The following SLC6A18 variants were observed in gnomAD, a reference collection of about 807,000 sequenced individuals.
The protein encoded by SLC6A18 is solute carrier family 6 member 18.
Under a neutral mutation model 62.9 loss-of-function variants are expected in SLC6A18, and 58 were observed. That is an observed-to-expected ratio of 0.92 (90% CI 0.75 to 1.15). The LOEUF is 1.15. Among genes scored for constraint, SLC6A18 ranks in the 50% most tolerant of loss-of-function variants. The pLI is 0.00. For synonymous variants in SLC6A18, 382 were observed against 365.8 expected (o/e 1.04, Z -0.51); for missense variants, 793 against 836.6 (o/e 0.95, Z 0.64).
In SLC6A18 at chr5:1,245,859, C is replaced by T. The variant is rs1359381634; in HGVS notation, c.1668C>T (p.Pro556=). The T allele has an allele frequency of 1.2e-6, 2 of 1,607,570 alleles. No individual in the cohort carries two copies. Among genetic ancestry groups the T allele is most frequent in the Non-Finnish European group, 1.7e-6 (2 of 1,178,392 alleles). ...KAWNPKYELF[P]SRQEKLYPGW... ...CTGTGGTCCCGCAGGAGCTGTTCCC[C>T]TCGCGTCAGGAGAAGCTCTACCCGG... The change falls in exon 12 of 12, where the codon CCC becomes CCT. Residue 556 remains proline (P), a synonymous_variant. Transcript: ENST00000324642.
rs764588718 is a variant in SLC6A18, at chr5:1,242,769, A to AC, written c.1040dup (p.Ala348SerfsTer30). ...GAGCAGAGCATCTCCAGGGACGACTACCCAGCCGTCCTCATGCACCTGAAC... is the reference window on the plus strand; with the variant it reads ...GAGCAGAGCATCTCCAGGGACGACTACCCCAGCCGTCCTCATGCACCTGAAC... On this transcript the variant is annotated frameshift_variant, in exon 8 of 12. Coordinates refer to ENST00000324642, the MANE Select transcript of SLC6A18 (RefSeq NM_182632.3). LOFTEE classifies it high-confidence loss of function. 1.4e-5 allele frequency: 22 copies of AC among 1,613,964 alleles called. No homozygotes were observed. Among genetic ancestry groups the AC allele is most frequent in the Non-Finnish European group, 1.9e-5 (22 of 1,179,866 alleles).
At chr5:1,225,686 G>A (rs7704363) in intron 1 of SLC6A18, 49 bp downstream of exon 1, 636,034 of 1,493,822 alleles carry the variant, frequency 0.43, 136,878 homozygotes, top group Non-Finnish European at 0.44. Context: ...AGGGGAGGCC[G>A]TCTCCACCCT....
At position 1,243,692 on chromosome 5, in the gene SLC6A18, G is replaced by A; in HGVS notation, c.1269G>A (p.Glu423=). ...LGLSTMFGTV[E]AVITPLLDVG... is the part of the protein sequence containing the mutation. ...TATCGACCATGTTCGGGACCGTGGA[G>A]GCGGTCATCACACCCCTGCTGGACG... The change falls in exon 9 of 12, where the codon GAG becomes GAA. Residue 423 remains glutamate, a synonymous_variant. Transcript: ENST00000324642. This position sits in a 1 kb window ranked among gnomAD's most constrained non-coding sequence, Gnocchi z 6.5. 6.2e-7 allele frequency: 1 copy of A among 1,613,964 alleles called. No individual in the cohort carries two copies. The highest frequency in any genetic ancestry group is 8.5e-7 in the Non-Finnish European group (1 of 1,179,976).
intron 1 of SLC6A18, among the ~76,000 whole-genome samples, chr5:1,226,761 G>A (rs11746101): frequency 0.59 from 89,679 of 151,926 alleles, 27,061 homozygotes; most frequent in Non-Finnish European, 0.66. Context: ...AAGCCCAAGG[G>A]CAGAGGCGTC....
At chr5:1,245,097 C>T (rs953588390) in intron 11 of SLC6A18, among the ~76,000 whole-genome samples, 4 of 152,194 alleles carry the variant, frequency 2.6e-5, no homozygotes, top group African/African-American at 9.6e-5. Context: ...GTGGCTTCAT[C>T]CTCCCTGCCT....
intron 1 of SLC6A18, among the ~76,000 whole-genome samples, chr5:1,231,171 T>C (rs909034370): frequency 3.3e-5 from 5 of 152,152 alleles, no homozygotes; most frequent in African/African-American, 1.2e-4. Context: ...CCTGCTCGCA[T>C]CCTCAGCACC....
chr5:1,233,585 C>CTT lies in SLC6A18; in HGVS notation c.439+712_439+713dup, dbSNP rs111463112. ...ACATGAATGACAGTTATATTTTCTT[C>CTT]TTTTTTTTTTTTTTTTGGGACAAGG... On this transcript the variant is annotated intron_variant, in intron 3 of 11. Coordinates refer to ENST00000324642, the MANE Select transcript of SLC6A18 (RefSeq NM_182632.3). 1.6e-3 allele frequency among the ~76,000 whole-genome samples: 222 copies of CTT among 138,620 alleles called. 1 individual carries two copies. Among genetic ancestry groups the CTT allele is most frequent in the South Asian group, 1.9e-3 (8 of 4,286 alleles). The allele number at this position is 138,620 out of a possible 152,430, so 90.9% of individuals were successfully genotyped here.
chr5:1,237,283 CA>C (rs1271816048), intron 4 of SLC6A18, among the ~76,000 whole-genome samples: 3 of 148,520 alleles, frequency 2.0e-5, no homozygotes, highest in Non-Finnish European at 4.4e-5. Flanking sequence ...GGTGATTCTG[CA>C]GTCAGTCTGT....
chr5:1,245,943 G>T lies in SLC6A18; in HGVS notation c.1752G>T (p.Val584=). Reference sequence around the variant, plus strand: ...TGCTGCCCGTGCTGTGGGTCCCGGTGGCCGCGCTTGCTCAGCTGCTCACCC... The same window carrying T: ...TGCTGCCCGTGCTGTGGGTCCCGGTTGCCGCGCTTGCTCAGCTGCTCACCC... ...LSLLPVLWVP[V]AALAQLLTRR... The change falls in exon 12 of 12, where the codon GTG becomes GTT. Residue 584 remains valine (V), a synonymous_variant. Transcript: ENST00000324642. The T allele has an allele frequency of 6.2e-7, 1 of 1,603,224 alleles. No individual in the cohort carries two copies. The highest frequency in any genetic ancestry group is 8.5e-7 in the Non-Finnish European group (1 of 1,179,402).
At chr5:1,232,911 T>C (rs1746771069) in intron 3 of SLC6A18, 23 bp downstream of exon 3, 1 of 1,599,024 alleles carries the variant, frequency 6.3e-7, no homozygotes, top group Admixed American at 1.7e-5. Flanking sequence ...CCGCCTGCTG[T>C]GTGGGTCCGT....
chr5:1,240,698 C>T (rs565049167), intron 7 of SLC6A18, 39 bp downstream of exon 7: 1 of 1,608,826 alleles, frequency 6.2e-7, no homozygotes, highest in Admixed American at 1.7e-5. Flanking sequence ...TGGGGCACAG[C>T]CGCCAGACAG....
intron 5 of SLC6A18, 92 bp from the exon 6 acceptor site, chr5:1,239,358 C>G (rs1746990949): frequency 1.0e-6 from 1 of 960,130 alleles, no homozygotes; most frequent in African/African-American, 1.6e-5. Flanking sequence ...CGAGTGTCCC[C>G]AAAGCCACCT....
chr5:1,229,590 G>C (rs1746670159), intron 1 of SLC6A18, among the ~76,000 whole-genome samples: 2 of 152,182 alleles, frequency 1.3e-5, no homozygotes, highest in African/African-American at 4.8e-5. Context: ...CTGGAACCCG[G>C]AGCCCCTGCC....
chr5:1,233,943 A>T (rs113612501), intron 3 of SLC6A18, among the ~76,000 whole-genome samples: 6 of 151,892 alleles, frequency 4.0e-5, no homozygotes, highest in Admixed American at 1.3e-4. Flanking sequence ...GGGTTTCACC[A>T]TGTTAGCCAG....
At chr5:1,240,327 A>G (rs112710904) in intron 6 of SLC6A18, among the ~76,000 whole-genome samples, 9 of 152,290 alleles carry the variant, frequency 5.9e-5, no homozygotes, top group African/African-American at 2.2e-4. Flanking sequence ...AGCAGCCTTG[A>G]GCTGGGGCTG....
At chr5:1,242,601 G>A in intron 7 of SLC6A18, 106 bp from the exon 8 acceptor site, 1 of 1,450,344 alleles carries the variant, frequency 6.9e-7, no homozygotes, top group Admixed American at 2.3e-5. Flanking sequence ...GGCAGGAGGG[G>A]CCCAGCCCTC....
At chr5:1,229,235 T>G (rs1233019600) in intron 1 of SLC6A18, among the ~76,000 whole-genome samples, 1 of 151,982 alleles carries the variant, frequency 6.6e-6, no homozygotes, top group African/African-American at 2.4e-5. Flanking sequence ...GAAAACCCTC[T>G]CATCTCCTCT....
chr5:1,235,040 G>A (rs759786472), intron 3 of SLC6A18, among the ~76,000 whole-genome samples: 10 of 152,330 alleles, frequency 6.6e-5, no homozygotes, highest in African/African-American at 9.6e-5. Flanking sequence ...GGAAGTGGGA[G>A]TCACAGGACA....
intron 2 of SLC6A18, 63 bp downstream of exon 2, chr5:1,232,422 A>T: frequency 5.4e-4 from 716 of 1,320,548 alleles, no homozygotes; most frequent in Non-Finnish European, 6.8e-4. Context: ...CCTGGATGAG[A>T]GGTGGGGCGG....
Sources: allele counts gnomAD v4.1 joint callset (sites outside exome capture counted in the v4.1 genomes callset), GRCh38; gene constraint gnomAD v4.1.1; non-coding constraint Gnocchi (gnomAD v3.1); transcripts MANE v1.5; gene names NCBI Gene and HGNC (gene_info 2026-07-23, HGNC 2026-07-21).